Variants in WDR77 observed in about 807,000 individuals in gnomAD.
WDR77 encodes WD repeat domain 77, also known as methylosome protein WDR77.
Under a neutral mutation model 44.0 loss-of-function variants are expected in WDR77, and 31 were observed. The observed-to-expected ratio is 0.70, with a 90% CI of 0.53 to 0.95. The LOEUF is 0.95. Among genes scored for constraint, WDR77 ranks in the 40% least tolerant of loss-of-function variants. The pLI, the probability that WDR77 is intolerant of heterozygous loss-of-function variation, is 0.00. For synonymous variants in WDR77, 186 were observed against 165.7 expected, an observed-to-expected ratio of 1.12 and a Z score of -0.94; for missense variants, 390 against 423.9, an observed-to-expected ratio of 0.92 and a Z score of 0.70.
intron 9 of WDR77, 46 bp from the exon 10 acceptor site, chr1:111,441,435 C>A (rs1471139719): frequency 7.0e-7 from 1 of 1,433,274 alleles, no homozygotes. Context: ...ACAAGAAAAG[C>A]AGACCTGGAG....
chr1:111,445,931 G>T (rs1653007954), intron 4 of WDR77, among the ~76,000 whole-genome samples: 1 of 152,048 alleles, frequency 6.6e-6, no homozygotes, highest in Non-Finnish European at 1.5e-5. Flanking sequence ...ACTACGCCTG[G>T]CTAATTTTTG....
rs772574019 is a variant in WDR77, at chr1:111,442,688, G to C, written c.765C>G (p.Ser255=). 3.1e-6 allele frequency: 5 copies of C among 1,594,632 alleles called. No individual in the cohort carries two copies. The East Asian group carries it at 6.8e-5, about 22-fold the overall frequency. Residue 255 remains serine (S), a synonymous_variant, in exon 8 of 10, where the codon TCC becomes TCG. Transcript: ENST00000235090. The part of the protein sequence containing the change: ...TSCVLSSAVH[S]QCVTGLVFSP... ...AGAACACCAGCCCAGTGACACACTG[G>C]GAGTGTACAGCTGAGCTCAGGACAC...
rs371580139 is a variant in WDR77 at position 111,441,024 on chromosome 1, T to C, written c.*206A>G. 4 of 414,274 alleles carry C rather than the reference T, an allele frequency of 9.7e-6. No homozygotes were observed. The highest frequency in any genetic ancestry group is 1.6e-5 in the Non-Finnish European group (4 of 246,108). The allele number at this position is 414,274 out of a possible 1,614,324, so 25.7% of individuals were successfully genotyped here. On this transcript the variant is annotated 3_prime_UTR_variant, in exon 10 of 10. Coordinates refer to ENST00000235090, the MANE Select transcript of WDR77 (RefSeq NM_024102.4). Reference sequence around the variant, plus strand: ...ACACACACACTCACACGCACATACATGTCCATTTTTAAGAAAGCTTTTCCT... The same window carrying C: ...ACACACACACTCACACGCACATACACGTCCATTTTTAAGAAAGCTTTTCCT...
chr1:111,447,823 A>T (rs1653112151), intron 2 of WDR77, among the ~76,000 whole-genome samples: 1 of 152,234 alleles, frequency 6.6e-6, no homozygotes, highest in Non-Finnish European at 1.5e-5. Flanking sequence ...ACAAAGATGG[A>T]ACAGTCTGTA....
intron 2 of WDR77, among the ~76,000 whole-genome samples, chr1:111,448,332 G>C (rs1653140177): frequency 6.6e-6 from 1 of 152,182 alleles, no homozygotes; most frequent in Admixed American, 6.5e-5. Context: ...GATTATGCTT[G>C]GTCTGGGCTG....
At chr1:111,448,068 G>C (rs1464584551) in intron 2 of WDR77, among the ~76,000 whole-genome samples, 2 of 152,078 alleles carry the variant, frequency 1.3e-5, no homozygotes, top group African/African-American at 4.8e-5. Flanking sequence ...TAGAGAATCC[G>C]CCAAAAGTTG....
intron 8 of WDR77, among the ~76,000 whole-genome samples, 176 bp downstream of exon 8, chr1:111,442,475 CTT>C (rs1359898745): frequency 1.3e-5 from 2 of 152,150 alleles, no homozygotes; most frequent in African/African-American, 4.8e-5. Flanking sequence ...CTGAAAAATC[CTT>C]TGACTCCCAA....
At position 111,448,731 on chromosome 1, in the gene WDR77, G is replaced by T. The variant is rs368189047; in HGVS notation, c.189C>A (p.Asp63Glu). Residue 63 changes from aspartate to glutamate, a missense_variant, in exon 2 of 10, where the codon GAC becomes GAA. Asp to Glu is a conservative substitution (Grantham distance 45). Transcript: ENST00000235090. ...CWAGSLWLFK[D>E]PCAAPNEGFC... Reference sequence around the variant, plus strand: ...AGCCTTCGTTGGGGGCGGCACAGGGGTCCTTAAAAAGCCAGAGGGAGCCGG... The same window carrying T: ...AGCCTTCGTTGGGGGCGGCACAGGGTTCCTTAAAAAGCCAGAGGGAGCCGG... The T allele has an allele frequency of 6.2e-6, 10 of 1,613,834 alleles. No homozygotes were observed. The highest frequency in any genetic ancestry group is 8.5e-6 in the Non-Finnish European group (10 of 1,179,816).
intron 8 of WDR77, 91 bp from the exon 9 acceptor site, chr1:111,442,184 AC>A: frequency 7.8e-7 from 1 of 1,278,142 alleles, no homozygotes; most frequent in Non-Finnish European, 1.1e-6. Context: ...CTGTAAAGTG[AC>A]CCAGGAGAGG....
intron 6 of WDR77, 133 bp downstream of exon 6, chr1:111,443,731 AAAG>A (rs1319428074): frequency 6.0e-6 from 9 of 1,500,164 alleles, no homozygotes; most frequent in South Asian, 1.4e-5. Flanking sequence ...CCTCACTGGA[AAAG>A]AAGGAGATTA....
chr1:111,441,908 G>C (rs1367198523), intron 9 of WDR77, 117 bp downstream of exon 9: 19 of 1,036,322 alleles, frequency 1.8e-5, no homozygotes, highest in Non-Finnish European at 2.6e-5. Flanking sequence ...AGTCCCTTCG[G>C]ATACAGATGG....
At chr1:111,441,968 C>T (rs1223762539) in intron 9 of WDR77, 57 bp downstream of exon 9, 3 of 1,498,448 alleles carry the variant, frequency 2.0e-6, no homozygotes, top group African/African-American at 1.4e-5. Flanking sequence ...AGGAAAATGA[C>T]TCGCCCACCC....
At chr1:111,443,300 T>G (rs1050777069) in intron 7 of WDR77, 23 bp downstream of exon 7, 11 of 1,549,886 alleles carry the variant, frequency 7.1e-6, no homozygotes, top group African/African-American at 2.7e-5. Context: ...AGAGTCAATA[T>G]GAAGTCTGAC....
rs755337873 is a variant in WDR77, at chr1:111,449,128, G to A, written c.42C>T (p.Ala14=). ...ETPPPLVPPA[A]REWNLPPNAP... is the part of the protein sequence containing the mutation. Reference sequence around the variant, plus strand: ...CATTTGGGGGAAGATTCCACTCCCGGGCCGCCGGGGGCACTAGGGGGGGTG... The same window carrying A: ...CATTTGGGGGAAGATTCCACTCCCGAGCCGCCGGGGGCACTAGGGGGGGTG... The change falls in exon 1 of 10, where the codon GCC becomes GCT. Residue 14 remains alanine (A), a synonymous_variant. Coordinates refer to ENST00000235090, the MANE Select transcript of WDR77 (RefSeq NM_024102.4). 6 of 1,600,490 alleles carry A rather than the reference G, an allele frequency of 3.7e-6. No individual in the cohort carries two copies. The African/African-American group carries it at 8.0e-5, about 21-fold the overall frequency.
rs1224382760 is a variant in WDR77, at chr1:111,441,366, T to C, written c.893A>G (p.Asp298Gly). ...GGACCAAGTCGCATCTCTCACAAAG[T>C]CTCTGTGGGCTTGGCTTCTAAACCT... The part of the protein sequence containing the change: ...SELFRSQAHR[D>G]FVRDATWSPL... Residue 298 changes from aspartate (D) to glycine (G), a missense_variant, in exon 10 of 10, where the codon GAC (aspartate) becomes GGC (glycine). Asp to Gly is a moderately conservative substitution (Grantham distance 94). Coordinates refer to ENST00000235090, the MANE Select transcript of WDR77 (RefSeq NM_024102.4). 1 of 1,548,540 alleles carries C rather than the reference T, an allele frequency of 6.5e-7. No homozygotes were observed. Among genetic ancestry groups the C allele is most frequent in the South Asian group, 1.2e-5 (1 of 82,738 alleles).
intron 8 of WDR77, among the ~76,000 whole-genome samples, chr1:111,442,387 GC>G (rs987640622): frequency 6.6e-6 from 1 of 152,178 alleles, no homozygotes; most frequent in African/African-American, 2.4e-5. Context: ...AGTCCTAGAA[GC>G]CCACAACATT....
In WDR77 at chr1:111,441,344, C is replaced by G; in HGVS notation, c.915G>C (p.Trp305Cys). 6.4e-7 allele frequency: 1 copy of G among 1,565,604 alleles called. No individual in the cohort carries two copies. The highest frequency in any genetic ancestry group is 8.7e-7 in the Non-Finnish European group (1 of 1,152,888). The change falls in exon 10 of 10, where the codon TGG becomes TGC. Residue 305 changes from tryptophan to cysteine, a missense_variant. Physicochemically the swap from Trp to Cys is radical, Grantham distance 215. Transcript: ENST00000235090. ...AHRDFVRDAT[W>C]SPLNHSLLTT... is the part of the protein sequence containing the mutation. ...TAAGCAGGGAGTGATTGAGCGGGGA[C>G]CAAGTCGCATCTCTCACAAAGTCTC... is the stretch of plus-strand genomic sequence containing the variant.
At position 111,441,199 on chromosome 1, in the gene WDR77, T is replaced by G. The variant is rs752663078; in HGVS notation, c.*31A>C. ...GGCAGGGCAAAGAAGTGGACACTCA[T>G]GGGGGACTTGCTTTTTGTCTTAAAT... On this transcript the variant is annotated 3_prime_UTR_variant, in exon 10 of 10. Coordinates refer to ENST00000235090, the MANE Select transcript of WDR77 (RefSeq NM_024102.4). The G allele has an allele frequency of 6.8e-7, 1 of 1,462,694 alleles. No homozygotes were observed. The highest frequency in any genetic ancestry group is 2.4e-5 in the Admixed American group (1 of 41,776). The allele number at this position is 1,462,694 out of a possible 1,614,324, so 90.6% of individuals were successfully genotyped here.
At chr1:111,441,546 C>A in intron 9 of WDR77, 157 bp from the exon 10 acceptor site, 1 of 1,309,430 alleles carries the variant, frequency 7.6e-7, no homozygotes, top group Non-Finnish European at 9.7e-7. Context: ...GTGTAGCTAT[C>A]CACAGTGGAT....
Sources: gnomAD v4.1 joint callset for allele counts (sites outside exome capture counted in the v4.1 genomes callset) on GRCh38, gnomAD v4.1.1 for gene constraint, MANE v1.5 for transcripts, NCBI Gene and HGNC (gene_info 2026-07-23, HGNC 2026-07-21) for gene names.